DEPDC4: variants seen among roughly 807,000 people sequenced by gnomAD.
DEPDC4 encodes DEP domain containing 4.
In DEPDC4, 52 loss-of-function variants were observed where a neutral mutation model predicts 52.0. That is an observed-to-expected ratio of 1.00 (90% CI 0.80 to 1.26). The LOEUF (loss-of-function observed/expected upper bound fraction) is 1.26, where lower values mean the gene tolerates loss of function less well. DEPDC4 is among the 50% of genes most tolerant of loss of function. The pLI, the probability that DEPDC4 is intolerant of heterozygous loss-of-function variation, is 0.00. For synonymous variants in DEPDC4, 201 were observed against 196.8 expected, an observed-to-expected ratio of 1.02 and a Z score of -0.18; for missense variants, 530 against 546.9, an observed-to-expected ratio of 0.97 and a Z score of 0.31.
At position 100,244,157 on chromosome 12, in the gene DEPDC4, A is replaced by G. The variant is rs144518446; in HGVS notation, c.1454-1588T>C. ...TATACACAAAATACAATAAAATACAATTTTATTTTATGGTTTTTTGGTTTG... is the reference window on the plus strand; with the variant it reads ...TATACACAAAATACAATAAAATACAGTTTTATTTTATGGTTTTTTGGTTTG... On this transcript the variant is annotated intron_variant, in intron 8 of 9. Transcript: ENST00000550587. 7.6e-5 allele frequency among the ~76,000 whole-genome samples: 10 copies of G among 132,444 alleles called. No individual in the cohort carries two copies. In the East Asian group the frequency reaches 2.2e-3, roughly 29 times the overall value. The allele number at this position is 132,444 out of a possible 152,430, so 86.9% of individuals were successfully genotyped here.
At chr12:100,278,808 T>G in the DEPDC4 span, among the ~76,000 whole-genome samples, 1 of 152,008 alleles carries the variant, frequency 6.6e-6, no homozygotes, top group Non-Finnish European at 1.5e-5. Flanking sequence ...TTTTGTATTT[T>G]TAGTAGAGAT....
Position 100,241,807 on chromosome 12 carries a change from C to T in DEPDC4, c.*85G>A. 1 of 1,233,608 alleles carries T rather than the reference C, an allele frequency of 8.1e-7. No individual in the cohort carries two copies. Among genetic ancestry groups the T allele is most frequent in the Non-Finnish European group, 1.0e-6 (1 of 962,226 alleles). 76.4% of individuals were successfully genotyped at this position (1,233,608 alleles called of 1,614,324 possible). ...TGAATTGTCCTTCCCTTCTGCTTTT[C>T]AAACTCCTTGTATGTCAAGGGTTGG... On this transcript the variant is annotated 3_prime_UTR_variant, in exon 10 of 10. Transcript: ENST00000550587.
At position 100,252,267 on chromosome 12, in the gene DEPDC4, GC is replaced by G. The variant is rs1191645096; in HGVS notation, c.1282del (p.Ala428ProfsTer11). 44 of 1,410,820 alleles carry G rather than the reference GC, an allele frequency of 3.1e-5. No individual in the cohort carries two copies. The highest frequency in any genetic ancestry group is 3.9e-5 in the Non-Finnish European group (42 of 1,081,306). The allele number at this position is 1,410,820 out of a possible 1,614,324, so 87.4% of individuals were successfully genotyped here. A position where few individuals can be genotyped will look rare whatever the true frequency, so the allele number is the denominator to read the frequency against. On this transcript the variant is annotated frameshift_variant, in exon 7 of 10. Coordinates refer to ENST00000550587, the MANE Select transcript of DEPDC4 (RefSeq NM_001364818.2). LOFTEE classifies it high-confidence loss of function. ...TGATTTGGCTTGCAAAACTGATTTG[GC>G]AAGAGTTTTCAGGACCACTGTTTTA... The part of the protein sequence containing the change: ...DNKTVVLKTL[A>X]KSVLQAKSLL...
At position 100,263,646 on chromosome 12, in the gene DEPDC4, T is replaced by C. The variant is rs780206407; in HGVS notation, c.405A>G (p.Pro135=). ...QVLMNHKVFE[P]VGMKKLFKKE... is the part of the protein sequence containing the mutation. ...TTTTGAAAAGCTTCTTCATTCCTAC[T>C]GGTTCAAATACTTTGTGATTCATTA... The change falls in exon 2 of 10, where the codon CCA becomes CCG. Residue 135 remains proline (P), a synonymous_variant. Coordinates refer to ENST00000550587, the MANE Select transcript of DEPDC4 (RefSeq NM_001364818.2). The C allele has an allele frequency of 3.7e-6, 6 of 1,614,132 alleles. No individual in the cohort carries two copies. The Admixed American group carries it at 5.0e-5, about 13-fold the overall frequency.
chr12:100,247,159 T>C (rs1208565140), intron 8 of DEPDC4, among the ~76,000 whole-genome samples: 4 of 150,222 alleles, frequency 2.7e-5, no homozygotes, highest in Non-Finnish European at 5.9e-5. Context: ...TTGTAGCACA[T>C]AGCATTGTGC....
intron 1 of DEPDC4, among the ~76,000 whole-genome samples, chr12:100,264,673 T>C: frequency 6.6e-6 from 1 of 151,320 alleles, no homozygotes; most frequent in East Asian, 1.9e-4. Flanking sequence ...AGCAAGACTC[T>C]GTCTCAAAAA....
At position 100,240,923 on chromosome 12, in the gene DEPDC4, G is replaced by C. The variant is rs958083217; in HGVS notation, c.*969C>G. Among the ~76,000 whole-genome samples the C allele has an allele frequency of 6.6e-6, 1 of 152,066 alleles. No homozygotes were observed. The highest frequency in any genetic ancestry group is 2.4e-5 in the African/African-American group (1 of 41,392). On this transcript the variant is annotated 3_prime_UTR_variant, in exon 10 of 10. Coordinates refer to ENST00000550587, the MANE Select transcript of DEPDC4 (RefSeq NM_001364818.2). ...CAAAAATTAGCCGGGCATAGTGGCA[G>C]GTACCTATAATCCCAGCTACTCGGG...
chr12:100,252,561 CA>C (rs1470672157), intron 5 of DEPDC4, 25 bp from the exon 6 acceptor site: 1 of 1,564,328 alleles, frequency 6.4e-7, no homozygotes, highest in Non-Finnish European at 8.6e-7. Flanking sequence ...ACAAAGAAAA[CA>C]AAGCATAAGA....
the DEPDC4 span, among the ~76,000 whole-genome samples, chr12:100,280,177 A>G: frequency 1.3e-5 from 2 of 152,306 alleles, no homozygotes; most frequent in East Asian, 3.9e-4. Context: ...TCTAGTTGTT[A>G]AAAGCAAGAG....
the DEPDC4 span, among the ~76,000 whole-genome samples, chr12:100,277,209 A>C: frequency 0.024 from 3,722 of 152,298 alleles, 150 homozygotes; most frequent in African/African-American, 0.084. Flanking sequence ...AACCATTTTT[A>C]GTGAATGTTA....
Position 100,241,839 on chromosome 12 carries a change from G to A in DEPDC4, c.*53C>T, listed in dbSNP as rs1452365923. The A allele has an allele frequency of 1.7e-5, 18 of 1,084,242 alleles. No homozygotes were observed. Among genetic ancestry groups the A allele is most frequent in the Middle Eastern group, 2.5e-4 (1 of 3,966 alleles). The allele number at this position is 1,084,242 out of a possible 1,614,324, so 67.2% of individuals were successfully genotyped here. The stretch of plus-strand genomic sequence containing the variant: ...CTTGTATGTCAAGGGTTGGCAAAAC[G>A]TAAAGCCTGGAAAAAAAAAAAAAAA... On this transcript the variant is annotated 3_prime_UTR_variant, in exon 10 of 10. Coordinates refer to ENST00000550587, the MANE Select transcript of DEPDC4 (RefSeq NM_001364818.2).
downstream of DEPDC4, among the ~76,000 whole-genome samples, chr12:100,235,575 C>CTT (rs559958759): frequency 1.4e-5 from 2 of 145,108 alleles, no homozygotes. Context: ...CTGTATCATT[C>CTT]TTTTTTTTTT....
intron 2 of DEPDC4, 66 bp from the exon 3 acceptor site, chr12:100,262,475 A>C (rs1437592075): frequency 3.2e-6 from 4 of 1,253,394 alleles, no homozygotes; most frequent in Non-Finnish European, 2.1e-6. Flanking sequence ...TATATATTTA[A>C]ATTAATGTAT....
chr12:100,246,529 T>A (rs75122849), intron 8 of DEPDC4, among the ~76,000 whole-genome samples: 1,668 of 152,318 alleles, frequency 0.011, 30 homozygotes, highest in African/African-American at 0.038. Flanking sequence ...GTGGTGCTTA[T>A]ACAAGTTCTG....
intron 3 of DEPDC4, chr12:100,261,664 C>T (rs2096254052): frequency 2.2e-6 from 1 of 455,960 alleles, no homozygotes. Context: ...TATAGCACCT[C>T]CAGTTAATCT....
Position 100,241,730 on chromosome 12 carries a change from C to T in DEPDC4, c.*162G>A. On this transcript the variant is annotated 3_prime_UTR_variant, in exon 10 of 10. Transcript: ENST00000550587. ...CCTTAATTAATTTCTTTTTTCGTTT[C>T]AGAGAGATGCTGGGGTTACTATTAA... is the stretch of plus-strand genomic sequence containing the variant. 7.9e-7 allele frequency: 1 copy of T among 1,264,298 alleles called. No individual in the cohort carries two copies. Among genetic ancestry groups the T allele is most frequent in the East Asian group, 5.9e-5 (1 of 16,950 alleles). The allele number at this position is 1,264,298 out of a possible 1,614,324, so 78.3% of individuals were successfully genotyped here. A position where few individuals can be genotyped will look rare whatever the true frequency, so the allele number is the denominator to read the frequency against.
chr12:100,263,282 G>A (rs1001649219), intron 2 of DEPDC4, among the ~76,000 whole-genome samples: 2 of 152,120 alleles, frequency 1.3e-5, no homozygotes, highest in African/African-American at 4.8e-5. Context: ...GTGTTTTCTA[G>A]TACATTCACA....
chr12:100,251,301 C>T (rs1020727378), intron 7 of DEPDC4, among the ~76,000 whole-genome samples: 1 of 151,948 alleles, frequency 6.6e-6, no homozygotes. Context: ...AGAAATAACA[C>T]CATTGAAAGT....
downstream of DEPDC4, chr12:100,238,105 A>C (rs938282665): frequency 2.5e-5 from 24 of 973,884 alleles, no homozygotes; most frequent in African/African-American, 4.1e-4. Flanking sequence ...AAGTATACTA[A>C]CTTCCTCCCC....
Sources: gnomAD v4.1 joint callset for allele counts (sites outside exome capture counted in the v4.1 genomes callset) on GRCh38, gnomAD v4.1.1 for gene constraint, MANE v1.5 for transcripts, NCBI Gene and HGNC (gene_info 2026-07-23, HGNC 2026-07-21) for gene names.